The following PTPRM variants were observed in gnomAD, a reference collection of about 807,000 sequenced individuals.
PTPRM encodes receptor-type tyrosine-protein phosphatase mu.
Under a neutral mutation model 186.7 loss-of-function variants are expected in PTPRM, and 47 were observed. The observed-to-expected ratio is 0.25, with a 90% CI of 0.20 to 0.32. The LOEUF (loss-of-function observed/expected upper bound fraction) is 0.32, where lower values mean the gene tolerates loss of function less well. Among genes scored for constraint, PTPRM ranks in the 10% least tolerant of loss-of-function variants. The pLI, the probability that PTPRM is intolerant of heterozygous loss-of-function variation, is 1.00. For missense variants in PTPRM, 1,494 were observed against 1,865.0 expected, an observed-to-expected ratio of 0.80 and a Z score of 3.66; for synonymous variants, 668 against 674.9, an observed-to-expected ratio of 0.99 and a Z score of 0.16.
intron 7 of PTPRM, among the ~76,000 whole-genome samples, chr18:7,996,627 A>G (rs2083554186): frequency 6.6e-6 from 1 of 152,148 alleles, no homozygotes; most frequent in Admixed American, 6.6e-5. Flanking sequence ...ACATGATCTT[A>G]TATTTAGAAA....
intron 1 of PTPRM, among the ~76,000 whole-genome samples, chr18:7,628,883 C>G (rs2038123894): frequency 6.6e-6 from 1 of 152,204 alleles, no homozygotes; most frequent in Non-Finnish European, 1.5e-5. Flanking sequence ...AAAGAAGGCA[C>G]TATTACTATC....
At chr18:7,642,770 C>A (rs1214489058) in intron 1 of PTPRM, among the ~76,000 whole-genome samples, 2 of 149,042 alleles carry the variant, frequency 1.3e-5, no homozygotes, top group Non-Finnish European at 3.0e-5. Context: ...ACCCTTCTGG[C>A]TTAATTACCT....
intron 13 of PTPRM, among the ~76,000 whole-genome samples, chr18:8,138,727 C>T (rs75274365): frequency 0.025 from 3,735 of 152,272 alleles, 135 homozygotes; most frequent in African/African-American, 0.085. Context: ...TCTCACCTCC[C>T]GCCTCTGCAA....
chr18:7,672,329 A>C (rs1029291813), intron 1 of PTPRM, among the ~76,000 whole-genome samples: 3 of 152,192 alleles, frequency 2.0e-5, no homozygotes, highest in Non-Finnish European at 4.4e-5. Flanking sequence ...TCAAGTTAAG[A>C]TTTTTGGGAT....
intron 1 of PTPRM, among the ~76,000 whole-genome samples, chr18:7,688,089 A>C (rs2039648207): frequency 6.6e-6 from 1 of 152,128 alleles, no homozygotes; most frequent in African/African-American, 2.4e-5. Context: ...TTTTTTTAAA[A>C]ATTAAAAACA....
chr18:8,011,797 C>T (rs1002047321), intron 7 of PTPRM, among the ~76,000 whole-genome samples: 1 of 152,208 alleles, frequency 6.6e-6, no homozygotes, highest in Non-Finnish European at 1.5e-5. Flanking sequence ...ATGTTTATAA[C>T]ACAGCTAAGG....
chr18:8,004,497 T>G (rs1055588447), intron 7 of PTPRM, among the ~76,000 whole-genome samples: 1 of 151,738 alleles, frequency 6.6e-6, no homozygotes, highest in Non-Finnish European at 1.5e-5. Context: ...TCTAACAGGC[T>G]TGGAACTGAG....
chr18:8,093,272 G>T (rs1389319629), intron 11 of PTPRM, among the ~76,000 whole-genome samples: 1 of 152,074 alleles, frequency 6.6e-6, no homozygotes, highest in Non-Finnish European at 1.5e-5. Flanking sequence ...CCAACCTCAT[G>T]GGGTTCTTGT....
intron 1 of PTPRM, among the ~76,000 whole-genome samples, chr18:7,685,591 G>A (rs2039583321): frequency 6.6e-6 from 1 of 152,108 alleles, no homozygotes; most frequent in African/African-American, 2.4e-5. Flanking sequence ...TTGAGATTAT[G>A]GATCATAAGT....
intron 1 of PTPRM, among the ~76,000 whole-genome samples, chr18:7,738,569 G>A (rs1352509793): frequency 7.9e-5 from 12 of 151,754 alleles, no homozygotes; most frequent in Non-Finnish European, 2.9e-5. Context: ...CCGAGTAGCT[G>A]GGACTATAGG....
rs565192498 is a variant in PTPRM, at chr18:8,174,269, T to C, written c.2300+30490T>C. ...AGGTGGTTTAGTTTTGGGGAAGGGT[T>C]ATTATCATTTAAACTATAAAAGAAA... On this transcript the variant is annotated intron_variant, in intron 14 of 32. Coordinates refer to ENST00000580170, the MANE Select transcript of PTPRM (RefSeq NM_001105244.2). Among the ~76,000 whole-genome samples, 701 of 152,290 alleles carry C rather than the reference T, an allele frequency of 4.6e-3. 4 individuals carry two copies. Among genetic ancestry groups the C allele is most frequent in the African/African-American group, 0.016 (671 of 41,556 alleles).
At chr18:8,258,680 T>C (rs958605767) in intron 19 of PTPRM, among the ~76,000 whole-genome samples, 2 of 152,134 alleles carry the variant, frequency 1.3e-5, no homozygotes, top group African/African-American at 4.8e-5. Context: ...TGTTTTGCTA[T>C]AACTGTAAAA....
At chr18:8,024,868 G>C (rs2085470426) in intron 7 of PTPRM, among the ~76,000 whole-genome samples, 1 of 151,760 alleles carries the variant, frequency 6.6e-6, no homozygotes, top group Non-Finnish European at 1.5e-5. Context: ...TGTTTTAGGA[G>C]AGACAGTGTT....
Position 8,194,134 on chromosome 18 carries a change from C to T in PTPRM, c.2301-49924C>T, listed in dbSNP as rs148340638. ...ATCTTTTCCCCCTTATTTTATGTGT[C>T]TAAACACCACAGTTCAAAATATGTT... On this transcript the variant is annotated intron_variant, in intron 14 of 32. Transcript: ENST00000580170. 4.9e-3 allele frequency among the ~76,000 whole-genome samples: 745 copies of T among 152,308 alleles called. 6 individuals carry two copies. The highest frequency in any genetic ancestry group is 5.1e-3 in the Non-Finnish European group (349 of 68,030).
intron 14 of PTPRM, among the ~76,000 whole-genome samples, chr18:8,173,017 G>T (rs144888327): frequency 1.3e-5 from 2 of 152,158 alleles, no homozygotes; most frequent in African/African-American, 4.8e-5. Flanking sequence ...ATAAGGAACT[G>T]TACTCAGTTC....
intron 7 of PTPRM, among the ~76,000 whole-genome samples, chr18:8,038,103 GT>G (rs1346753355): frequency 6.6e-6 from 1 of 152,090 alleles, no homozygotes; most frequent in Non-Finnish European, 1.5e-5. Flanking sequence ...GAATGAAGAT[GT>G]CTCCCCAAAT....
intron 1 of PTPRM, among the ~76,000 whole-genome samples, chr18:7,578,485 G>T (rs543816743): frequency 1.9e-4 from 29 of 151,978 alleles, no homozygotes; most frequent in Admixed American, 5.2e-4. Flanking sequence ...ATAGGCGCCC[G>T]CCACCATGCC....
intron 1 of PTPRM, among the ~76,000 whole-genome samples, chr18:7,603,750 A>G (rs1213025662): frequency 2.6e-5 from 4 of 152,214 alleles, no homozygotes; most frequent in Admixed American, 2.6e-4. Context: ...TTCAGGGATC[A>G]TGCTGTGGAA....
At chr18:8,232,268 C>A (rs1175931189) in intron 14 of PTPRM, among the ~76,000 whole-genome samples, 1 of 152,206 alleles carries the variant, frequency 6.6e-6, no homozygotes, top group Non-Finnish European at 1.5e-5. Flanking sequence ...TTCCTCCATG[C>A]CTGTTCATGG....
Sources: gnomAD v4.1 joint callset for allele counts (sites outside exome capture counted in the v4.1 genomes callset) on GRCh38, gnomAD v4.1.1 for gene constraint, MANE v1.5 for transcripts, NCBI Gene and HGNC (gene_info 2026-07-23, HGNC 2026-07-21) for gene names.